The following ARID5B variants were observed in gnomAD, a reference collection of about 807,000 sequenced individuals.
The protein encoded by ARID5B is AT-rich interactive domain-containing protein 5B.
A neutral mutation model predicts 97.2 loss-of-function variants in ARID5B; 13 were observed. The ratio of observed to expected loss-of-function variants is 0.13; its 90% confidence interval spans 0.09 to 0.21. The LOEUF is 0.21. Among genes scored for constraint, ARID5B ranks in the 10% least tolerant of loss-of-function variants. The probability of loss-of-function intolerance (pLI) is 1.00; values close to 1 mark genes in which losing one functional copy is unlikely to be tolerated. For missense variants in ARID5B, 1,210 were observed against 1,465.3 expected, an observed-to-expected ratio of 0.83 and a Z score of 2.84; for synonymous variants, 556 against 570.3, an observed-to-expected ratio of 0.97 and a Z score of 0.36.
chr10:61,905,449 T>G (rs929693622), intron 2 of ARID5B, among the ~76,000 whole-genome samples: 2 of 151,956 alleles, frequency 1.3e-5, no homozygotes, highest in Non-Finnish European at 2.9e-5. Context: ...CAGAGGGTTT[T>G]TTTTTTTTTG....
At chr10:62,025,586 G>A (rs765679692) in intron 4 of ARID5B, among the ~76,000 whole-genome samples, 2 of 152,150 alleles carry the variant, frequency 1.3e-5, no homozygotes, top group Non-Finnish European at 2.9e-5. Flanking sequence ...TTAGCTAGAT[G>A]ACCTACGTTT....
At position 62,092,033 on chromosome 10, in the gene ARID5B, C is replaced by T. The variant is rs775025849; in HGVS notation, c.2570C>T (p.Pro857Leu). The change falls in exon 10 of 10, where the codon CCT becomes CTT. Residue 857 changes from proline to leucine, a missense_variant. Physicochemically the swap from Pro to Leu is moderately conservative, Grantham distance 98. Around this residue, in one of 8 missense-constraint regions of ARID5B, gnomAD observed 800 missense variants for 839.1 expected, o/e 0.95. Transcript: ENST00000279873. ...CATAATGAACAGACATCCAAATACC[C>T]TTCCAGGGACATGTACAGGGAATCG... The part of the protein sequence containing the change: ...HLHNEQTSKY[P>L]SRDMYRESEN... 2.5e-6 allele frequency: 4 copies of T among 1,614,210 alleles called. No homozygotes were observed. The Admixed American group carries it at 5.0e-5, about 20-fold the overall frequency.
chr10:62,046,379 G>A (rs879450832), intron 4 of ARID5B, among the ~76,000 whole-genome samples: 1 of 152,198 alleles, frequency 6.6e-6, no homozygotes, highest in Non-Finnish European at 1.5e-5. Flanking sequence ...CATGTAACTT[G>A]TGTGAACCCG....
chr10:61,902,765 T>C (rs931865594), intron 2 of ARID5B, among the ~76,000 whole-genome samples: 1 of 152,120 alleles, frequency 6.6e-6, no homozygotes, highest in Non-Finnish European at 1.5e-5. Context: ...ATGCTTTTTA[T>C]ATTTTTTGCC....
chr10:62,012,972 A>G (rs997303117), intron 4 of ARID5B, among the ~76,000 whole-genome samples: 2 of 152,166 alleles, frequency 1.3e-5, no homozygotes, highest in African/African-American at 2.4e-5. Context: ...AAACATCTTT[A>G]TACATAAAAG....
At chr10:61,996,602 G>T (rs1177601488) in intron 3 of ARID5B, among the ~76,000 whole-genome samples, 2 of 152,104 alleles carry the variant, frequency 1.3e-5, no homozygotes, top group Non-Finnish European at 2.9e-5. Context: ...TAATAAGGTT[G>T]TTGTGAGGAA....
intron 4 of ARID5B, among the ~76,000 whole-genome samples, chr10:62,014,136 G>T (rs991740733): frequency 6.6e-6 from 1 of 152,094 alleles, no homozygotes; most frequent in Non-Finnish European, 1.5e-5. Flanking sequence ...GGGATTGCTG[G>T]ATCATATGGT....
chr10:62,086,703 A>AT (rs1564648191), intron 9 of ARID5B, among the ~76,000 whole-genome samples: 1 of 143,742 alleles, frequency 7.0e-6, no homozygotes, highest in Non-Finnish European at 1.5e-5. Flanking sequence ...AAAAAAAAAA[A>AT]AAAAAAAAAT....
intron 3 of ARID5B, among the ~76,000 whole-genome samples, chr10:61,980,159 G>A (rs1838758082): frequency 6.6e-6 from 1 of 152,064 alleles, no homozygotes. Context: ...TACCAATGTA[G>A]TCCTAAAATG....
chr10:62,086,314 A>T (rs1189268171), intron 9 of ARID5B, among the ~76,000 whole-genome samples: 1 of 152,162 alleles, frequency 6.6e-6, no homozygotes, highest in Non-Finnish European at 1.5e-5. Context: ...TTGGGGCTGG[A>T]CATGGTGGCT....
intron 5 of ARID5B, among the ~76,000 whole-genome samples, chr10:62,052,837 C>CGTTGGT (rs1158972136): frequency 6.6e-6 from 1 of 152,162 alleles, no homozygotes; most frequent in Non-Finnish European, 1.5e-5. Flanking sequence ...ATTCTTCCAC[C>CGTTGGT]GTTGGTGTTC....
intron 4 of ARID5B, among the ~76,000 whole-genome samples, chr10:62,047,714 C>G (rs1839728097): frequency 6.6e-6 from 1 of 152,210 alleles, no homozygotes; most frequent in Non-Finnish European, 1.5e-5. Flanking sequence ...CCATCCCACT[C>G]CTGCCCACCA....
At chr10:62,016,088 C>G (rs1001191327) in intron 4 of ARID5B, among the ~76,000 whole-genome samples, 4 of 152,208 alleles carry the variant, frequency 2.6e-5, no homozygotes, top group African/African-American at 9.7e-5. Context: ...GTAGCTGGCT[C>G]TATTCTCATA....
At chr10:62,045,068 T>C (rs1240850670) in intron 4 of ARID5B, among the ~76,000 whole-genome samples, 1 of 152,230 alleles carries the variant, frequency 6.6e-6, no homozygotes, top group Admixed American at 6.5e-5. Context: ...CAGGGACTTA[T>C]TTATGAATTT....
At chr10:61,944,813 T>C (rs901853273) in intron 3 of ARID5B, among the ~76,000 whole-genome samples, 1 of 152,184 alleles carries the variant, frequency 6.6e-6, no homozygotes, top group African/African-American at 2.4e-5. Context: ...TGTCTGTGGA[T>C]GGGCAGTTAT....
At chr10:62,085,271 C>T (rs1392801833) in intron 8 of ARID5B, among the ~76,000 whole-genome samples, 1 of 152,182 alleles carries the variant, frequency 6.6e-6, no homozygotes, top group Admixed American at 6.5e-5. Flanking sequence ...AGCTCAGAGG[C>T]TTTGAATGTT....
chr10:62,033,812 G>C (rs1839526976), intron 4 of ARID5B, among the ~76,000 whole-genome samples: 2 of 152,216 alleles, frequency 1.3e-5, no homozygotes, highest in South Asian at 4.1e-4. Context: ...TTTCAAGATG[G>C]GCATATAATT....
intron 3 of ARID5B, among the ~76,000 whole-genome samples, chr10:61,958,546 A>G (rs1299174967): frequency 1.3e-5 from 2 of 152,168 alleles, no homozygotes; most frequent in Non-Finnish European, 2.9e-5. Context: ...TTTCATTGGT[A>G]GTAGTCTCAT....
At chr10:61,985,889 C>T (rs900184499) in intron 3 of ARID5B, among the ~76,000 whole-genome samples, 2 of 152,034 alleles carry the variant, frequency 1.3e-5, no homozygotes, top group African/African-American at 4.8e-5. Flanking sequence ...GTGTTCTGTG[C>T]AATGGTCATC....
Sources: allele counts gnomAD v4.1 joint callset (sites outside exome capture counted in the v4.1 genomes callset), GRCh38; gene constraint gnomAD v4.1.1; regional missense constraint gnomAD v4.1.1; transcripts MANE v1.5; gene names NCBI Gene and HGNC (gene_info 2026-07-23, HGNC 2026-07-21).